The following SLC25A48 variants were observed in gnomAD, a reference collection of about 807,000 sequenced individuals.
The protein encoded by SLC25A48 is CTC-321K16.1.
A neutral mutation model predicts 32.2 loss-of-function variants in SLC25A48; 29 were observed. That is an observed-to-expected ratio of 0.90 (90% CI 0.67 to 1.23). The LOEUF is 1.23. Among genes scored for constraint, SLC25A48 ranks in the 50% most tolerant of loss-of-function variants. The pLI is 0.00. For synonymous variants in SLC25A48, 164 were observed against 172.3 expected, an observed-to-expected ratio of 0.95 and a Z score of 0.38; for missense variants, 399 against 422.7, an observed-to-expected ratio of 0.94 and a Z score of 0.49.
At position 135,704,139 on chromosome 5, in the gene SLC25A48, C is replaced by T. The variant is rs117085950; in HGVS notation, c.-521+69183C>T. On this transcript the variant is annotated intron_variant, in intron 3 of 10. Coordinates refer to the SLC25A48 transcript ENST00000646290. ...TGATGGGTTCACACACTGTTCTGGG[C>T]GGCAGAGGCTCAGCGGGAGAGAGGA... 9.1e-4 allele frequency among the ~76,000 whole-genome samples: 138 copies of T among 152,288 alleles called. 2 individuals carry two copies. In the East Asian group the frequency reaches 0.022, roughly 24 times the overall value.
intron 3 of SLC25A48, among the ~76,000 whole-genome samples, chr5:135,757,205 A>T (rs935770353): frequency 6.7e-6 from 1 of 150,026 alleles, no homozygotes; most frequent in Non-Finnish European, 1.5e-5. Flanking sequence ...TATTAATGTC[A>T]TCTATATTAT....
chr5:135,887,014 C>T (rs933336655), intron 7 of SLC25A48, among the ~76,000 whole-genome samples: 1 of 151,892 alleles, frequency 6.6e-6, no homozygotes, highest in East Asian at 1.9e-4. Flanking sequence ...TCAACAGCAG[C>T]CCCTTTCACT....
At chr5:135,719,359 T>G (rs1444499800) in intron 3 of SLC25A48, among the ~76,000 whole-genome samples, 5 of 152,130 alleles carry the variant, frequency 3.3e-5, no homozygotes, top group African/African-American at 1.2e-4. Context: ...TAGGTGTGTA[T>G]GGGTATGTGT....
intron 1 of SLC25A48, among the ~76,000 whole-genome samples, chr5:135,598,247 A>C (rs1751705677): frequency 6.6e-6 from 1 of 152,192 alleles, no homozygotes; most frequent in South Asian, 2.1e-4. Context: ...GTCCCCTATA[A>C]AACAATTTTA....
chr5:135,886,799 C>T lies in SLC25A48; in HGVS notation c.*8-1233C>T, dbSNP rs1007676230. Among the ~76,000 whole-genome samples, 4 of 150,150 alleles carry T rather than the reference C, an allele frequency of 2.7e-5. No homozygotes were observed. The East Asian group carries it at 7.9e-4, about 30-fold the overall frequency. ...TGCCCTCAGGGAGCTTAGTATCAGG[C>T]ATTAATTTCTGTTGTCATGGTCAGG... On this transcript the variant is annotated intron_variant, in intron 7 of 7. Transcript: ENST00000681962.
chr5:135,800,608 C>T (rs578068275), intron 3 of SLC25A48, among the ~76,000 whole-genome samples: 2 of 151,760 alleles, frequency 1.3e-5, no homozygotes, highest in South Asian at 4.1e-4. Context: ...GTACACCCAC[C>T]CTCCCGGGTG....
intron 3 of SLC25A48, among the ~76,000 whole-genome samples, chr5:135,656,182 G>A (rs1181326279): frequency 6.6e-6 from 1 of 152,122 alleles, no homozygotes. Context: ...TCAAGACTAG[G>A]GGTTTGATTT....
chr5:135,605,146 T>C (rs1404269279), intron 1 of SLC25A48, among the ~76,000 whole-genome samples: 1 of 152,256 alleles, frequency 6.6e-6, no homozygotes, highest in Non-Finnish European at 1.5e-5. Context: ...ATAATGGCTA[T>C]CTATGTTATG....
chr5:135,724,226 C>T (rs137950401), intron 3 of SLC25A48, among the ~76,000 whole-genome samples: 381 of 152,264 alleles, frequency 2.5e-3, no homozygotes, highest in African/African-American at 8.9e-3. Flanking sequence ...ATTATTTTTG[C>T]ATCATTATTT....
chr5:135,727,845 A>G (rs1490919341), intron 3 of SLC25A48, among the ~76,000 whole-genome samples: 1 of 152,110 alleles, frequency 6.6e-6, no homozygotes, highest in Non-Finnish European at 1.5e-5. Flanking sequence ...TTTCCATTTT[A>G]TTTTAGCAAT....
rs73791061 is a variant in SLC25A48 at position 135,716,962 on chromosome 5, G to A, written c.-521+82006G>A. On this transcript the variant is annotated intron_variant, in intron 3 of 10. Transcript: ENST00000646290. ...TAATACAACAACAACATTGTATACCGGTTTATGTACTATGGGCCTTGGGAG... is the reference window on the plus strand; with the variant it reads ...TAATACAACAACAACATTGTATACCAGTTTATGTACTATGGGCCTTGGGAG... Among the ~76,000 whole-genome samples the A allele has an allele frequency of 9.9e-3, 1,505 of 152,216 alleles. 32 individuals are homozygous for A. Among genetic ancestry groups the A allele is most frequent in the African/African-American group, 0.034 (1,415 of 41,526 alleles).
intron 3 of SLC25A48, among the ~76,000 whole-genome samples, chr5:135,703,949 C>CCAGACT (rs1754451973): frequency 2.0e-5 from 3 of 152,218 alleles, no homozygotes; most frequent in Admixed American, 2.0e-4. Context: ...TTGCACAATG[C>CCAGACT]CAGACTCAGT....
intron 3 of SLC25A48, among the ~76,000 whole-genome samples, chr5:135,851,419 C>T (rs772293277): frequency 3.9e-5 from 6 of 152,184 alleles, no homozygotes; most frequent in Non-Finnish European, 8.8e-5. Context: ...CACATGTTCC[C>T]GACAGTGTCT....
At chr5:135,582,125 G>C (rs114863588) in intron 1 of SLC25A48, among the ~76,000 whole-genome samples, 2 of 152,188 alleles carry the variant, frequency 1.3e-5, no homozygotes, top group Admixed American at 1.3e-4. Context: ...CGTGAAGTGT[G>C]GGGGCACAGA....
chr5:135,790,705 G>A (rs1757004120), intron 3 of SLC25A48, among the ~76,000 whole-genome samples: 1 of 144,852 alleles, frequency 6.9e-6, no homozygotes, highest in South Asian at 2.2e-4. Flanking sequence ...TGTCACAGTG[G>A]GTGTACACTA....
chr5:135,876,985 C>A (rs1287829276), intron 6 of SLC25A48, among the ~76,000 whole-genome samples: 2 of 152,190 alleles, frequency 1.3e-5, no homozygotes, highest in African/African-American at 4.8e-5. Context: ...TCATTCCAAT[C>A]TGTTCTCACC....
intron 3 of SLC25A48, among the ~76,000 whole-genome samples, chr5:135,790,006 A>G (rs1426634427): frequency 6.6e-6 from 1 of 151,854 alleles, no homozygotes; most frequent in Non-Finnish European, 1.5e-5. Flanking sequence ...CTGGGTGTAC[A>G]CTCCCTGTGA....
At chr5:135,602,878 A>G (rs774918571) in intron 1 of SLC25A48, among the ~76,000 whole-genome samples, 3 of 152,120 alleles carry the variant, frequency 2.0e-5, no homozygotes, top group Non-Finnish European at 4.4e-5. Context: ...GTTTTTGAGT[A>G]AAGAGGCATT....
rs550276095 is a variant in SLC25A48 at position 135,846,256 on chromosome 5, T to C, written c.90+3797T>C. On this transcript the variant is annotated intron_variant, in intron 2 of 7. Coordinates refer to ENST00000681962, the MANE Select transcript of SLC25A48 (RefSeq NM_001349336.2). Reference sequence around the variant, plus strand: ...TTGGAAAAATTGTCTTCCACAAAACTGGTTCCTGGCGCCAAAAATGTTGGG... The same window carrying C: ...TTGGAAAAATTGTCTTCCACAAAACCGGTTCCTGGCGCCAAAAATGTTGGG... Among the ~76,000 whole-genome samples the C allele has an allele frequency of 3.0e-4, 45 of 152,288 alleles. 1 individual carries two copies. Among genetic ancestry groups the C allele is most frequent in the African/African-American group, 9.6e-4 (40 of 41,552 alleles).
Sources: allele counts gnomAD v4.1 joint callset (sites outside exome capture counted in the v4.1 genomes callset), GRCh38; gene constraint gnomAD v4.1.1; transcripts MANE v1.5; gene names NCBI Gene and HGNC (gene_info 2026-07-23, HGNC 2026-07-21).